The following ANXA10 variants were observed in gnomAD, a reference collection of about 807,000 sequenced individuals.
ANXA10 encodes the protein annexin 14.
ANXA10 carries 49 observed loss-of-function variants against 53.5 expected under a neutral mutation model. That is an observed-to-expected ratio of 0.92 (90% confidence interval 0.73 to 1.16). The LOEUF (loss-of-function observed/expected upper bound fraction) is 1.16, where lower values mean the gene tolerates loss of function less well. ANXA10 is among the 50% of genes most tolerant of loss of function. The probability of loss-of-function intolerance (pLI) is 0.00; values close to 1 mark genes in which losing one functional copy is unlikely to be tolerated. For synonymous variants in ANXA10, 131 were observed against 128.9 expected, an observed-to-expected ratio of 1.02 and a Z score of -0.11; for missense variants, 393 against 394.4, an observed-to-expected ratio of 1.00 and a Z score of 0.03.
intron 1 of ANXA10, among the ~76,000 whole-genome samples, chr4:168,121,394 C>T (rs1253331218): frequency 6.6e-6 from 1 of 152,046 alleles, no homozygotes; most frequent in Non-Finnish European, 1.5e-5. Context: ...AATTATATTA[C>T]ACATGTTAGC....
intron 1 of ANXA10, among the ~76,000 whole-genome samples, chr4:168,106,931 T>A (rs1730729230): frequency 1.3e-5 from 2 of 152,146 alleles, no homozygotes; most frequent in African/African-American, 4.8e-5. Context: ...ATGCATTACA[T>A]ATAAAAGTTC....
At chr4:168,162,725 C>A in intron 4 of ANXA10, 84 bp downstream of exon 4, 2 of 965,240 alleles carry the variant, frequency 2.1e-6, no homozygotes, top group South Asian at 1.4e-5. Flanking sequence ...GATGCTCCTA[C>A]ATACTTATAT....
intron 3 of ANXA10, among the ~76,000 whole-genome samples, chr4:168,155,822 GATATAT>G (rs1731629437): frequency 3.5e-4 from 1 of 2,856 alleles, no homozygotes; most frequent in African/African-American, 8.9e-4. Context: ...TATTATATAT[GATATAT>G]GATATATCAT....
chr4:168,129,142 G>A (rs932338297), intron 2 of ANXA10, among the ~76,000 whole-genome samples: 5 of 152,028 alleles, frequency 3.3e-5, no homozygotes, highest in African/African-American at 1.2e-4. Flanking sequence ...AGACAAGGTC[G>A]CCTTTACAGG....
Position 168,174,488 on chromosome 4 carries a change from C to A in ANXA10, c.481-3252C>A, listed in dbSNP as rs538398002. On this transcript the variant is annotated intron_variant, in intron 6 of 11. Coordinates refer to ENST00000359299, the MANE Select transcript of ANXA10 (RefSeq NM_007193.5). ...ATCCCCTCACTCTGCGGGCTGAGTG[C>A]GCAGTCACAGTGGCCACAGGATCCA... is the stretch of plus-strand genomic sequence containing the variant. 2.1e-3 allele frequency among the ~76,000 whole-genome samples: 320 copies of A among 152,276 alleles called. 1 individual carries two copies. The highest frequency in any genetic ancestry group is 3.1e-3 in the Non-Finnish European group (214 of 68,022).
chr4:168,156,365 A>AT (rs1731680483), intron 3 of ANXA10, among the ~76,000 whole-genome samples: 1 of 110,140 alleles, frequency 9.1e-6, no homozygotes. Flanking sequence ...TATATTATAT[A>AT]GTATATATAA....
At chr4:168,149,630 T>C (rs551716616) in intron 3 of ANXA10, among the ~76,000 whole-genome samples, 1 of 152,268 alleles carries the variant, frequency 6.6e-6, no homozygotes, top group South Asian at 2.1e-4. Context: ...TTTCTGAAGA[T>C]TGGTTTTGCA....
intron 6 of ANXA10, among the ~76,000 whole-genome samples, chr4:168,176,650 C>G (rs1384006726): frequency 2.0e-5 from 3 of 152,276 alleles, no homozygotes; most frequent in Admixed American, 2.0e-4. Context: ...TAAGACCTCT[C>G]TGTGCCCTCT....
chr4:168,184,788 T>C (rs2149482753), intron 11 of ANXA10, 107 bp downstream of exon 11: 1 of 1,433,234 alleles, frequency 7.0e-7, no homozygotes, highest in Non-Finnish European at 9.5e-7. Flanking sequence ...AAAAGTTAAC[T>C]ATTCAGACAG....
intron 2 of ANXA10, among the ~76,000 whole-genome samples, chr4:168,132,848 T>G (rs746382209): frequency 3.4e-4 from 51 of 152,226 alleles, no homozygotes; most frequent in East Asian, 9.6e-4. Context: ...CACTTTTACC[T>G]ATTTGACCAT....
At chr4:168,178,803 T>A (rs1041211891) in intron 8 of ANXA10, among the ~76,000 whole-genome samples, 1 of 152,244 alleles carries the variant, frequency 6.6e-6, no homozygotes, top group African/African-American at 2.4e-5. Flanking sequence ...TACTTTGCTA[T>A]TTTAATCATC....
intron 6 of ANXA10, among the ~76,000 whole-genome samples, chr4:168,174,006 T>C (rs553671199): frequency 2.6e-5 from 4 of 152,110 alleles, no homozygotes; most frequent in Non-Finnish European, 4.4e-5. Context: ...AGGAACTACC[T>C]GACTTTGGGT....
At chr4:168,172,924 G>C (rs1011951182) in intron 6 of ANXA10, among the ~76,000 whole-genome samples, 2 of 152,030 alleles carry the variant, frequency 1.3e-5, no homozygotes, top group East Asian at 1.9e-4. Context: ...CAAGTAGCTA[G>C]GATTACAGAT....
rs761721437 is a variant in ANXA10, at chr4:168,184,612, A to C, written c.837A>C (p.Glu279Asp). Residue 279 changes from glutamate to aspartate, a missense_variant, in exon 11 of 12, where the codon GAA becomes GAC. Transcript: ENST00000359299. ...TVIRILIARS[E>D]IDLLTIRKRY... The stretch of plus-strand genomic sequence containing the variant: ...TCAGGATTCTCATTGCCAGAAGTGA[A>C]ATAGACCTGCTGACCATAAGGAAAC... 1.4e-5 allele frequency: 22 copies of C among 1,613,920 alleles called. No homozygotes were observed. The Admixed American group carries it at 1.8e-4, about 13-fold the overall frequency.
chr4:168,137,753 C>A (rs1234655112), intron 2 of ANXA10, among the ~76,000 whole-genome samples: 1 of 152,002 alleles, frequency 6.6e-6, no homozygotes, highest in Non-Finnish European at 1.5e-5. Flanking sequence ...CATATAGATG[C>A]AAATATCTTT....
chr4:168,116,367 A>T (rs1730894268), intron 1 of ANXA10, among the ~76,000 whole-genome samples: 1 of 152,184 alleles, frequency 6.6e-6, no homozygotes, highest in Admixed American at 6.5e-5. Flanking sequence ...AAAATATTCC[A>T]TTTGTCTTCT....
At chr4:168,097,201 C>CTCCTTCAAT (rs1365509284) in intron 1 of ANXA10, among the ~76,000 whole-genome samples, 2 of 151,948 alleles carry the variant, frequency 1.3e-5, no homozygotes, top group Non-Finnish European at 2.9e-5. Flanking sequence ...TACATTTCTT[C>CTCCTTCAAT]TCCTTCAATT....
chr4:168,099,058 T>C lies in ANXA10; in HGVS notation c.18+6340T>C, dbSNP rs149065776. 1.2e-3 allele frequency among the ~76,000 whole-genome samples: 177 copies of C among 152,284 alleles called. 1 individual carries two copies. In the Middle Eastern group the frequency reaches 0.014, roughly 12 times the overall value. On this transcript the variant is annotated intron_variant, in intron 1 of 11. Coordinates refer to ENST00000359299, the MANE Select transcript of ANXA10 (RefSeq NM_007193.5). ...AAATAAGCCAGAATGGAAGGCATTG[T>C]AGTAATACTTTTTCAGTTATGTAAA...
chr4:168,154,288 C>A (rs1029377828), intron 3 of ANXA10, among the ~76,000 whole-genome samples: 7 of 152,088 alleles, frequency 4.6e-5, no homozygotes, highest in Non-Finnish European at 2.9e-5. Flanking sequence ...ATTATTCTTT[C>A]ATTTGCTTAT....
Sources: allele counts gnomAD v4.1 joint callset (sites outside exome capture counted in the v4.1 genomes callset), GRCh38; gene constraint gnomAD v4.1.1; transcripts MANE v1.5; gene names NCBI Gene and HGNC (gene_info 2026-07-23, HGNC 2026-07-21).